CFAP95: variants seen among roughly 807,000 people sequenced by gnomAD.
The protein encoded by CFAP95 is cilia and flagella associated protein 95.
At chr9:69,844,189 A>G in the CFAP95 span, among the ~76,000 whole-genome samples, 1 of 152,204 alleles carries the variant, frequency 6.6e-6, no homozygotes, top group Non-Finnish European at 1.5e-5. Flanking sequence ...AGATATTACC[A>G]TGTCTTATTT....
the CFAP95 span, among the ~76,000 whole-genome samples, chr9:69,838,196 G>T: frequency 6.6e-6 from 1 of 152,152 alleles, no homozygotes; most frequent in African/African-American, 2.4e-5. Flanking sequence ...TTTGGCTTAG[G>T]ATTGACTTGG....
the CFAP95 span, among the ~76,000 whole-genome samples, chr9:69,904,515 C>A: frequency 6.6e-6 from 1 of 152,198 alleles, no homozygotes; most frequent in Admixed American, 6.5e-5. Flanking sequence ...GTCTTTAATG[C>A]TTCTGCTACC....
At chr9:69,830,060 T>C in the CFAP95 span, among the ~76,000 whole-genome samples, 1 of 152,114 alleles carries the variant, frequency 6.6e-6, no homozygotes, top group South Asian at 2.1e-4. Context: ...GGGATGAAAA[T>C]GTTACCAGGT....
chr9:69,837,432 G>A, the CFAP95 span, among the ~76,000 whole-genome samples: 1 of 152,022 alleles, frequency 6.6e-6, no homozygotes, highest in Non-Finnish European at 1.5e-5. Flanking sequence ...TCTAACTGGT[G>A]TGAGATGGTA....
At chr9:69,835,565 C>T in the CFAP95 span, among the ~76,000 whole-genome samples, 5 of 152,196 alleles carry the variant, frequency 3.3e-5, no homozygotes, top group Non-Finnish European at 5.9e-5. Context: ...TTTATGGACA[C>T]GTTTGAAAGC....
the CFAP95 span, among the ~76,000 whole-genome samples, chr9:69,871,625 G>A: frequency 3.3e-5 from 5 of 151,960 alleles, no homozygotes; most frequent in East Asian, 1.9e-4. Flanking sequence ...GATTAATTAC[G>A]GGGGTAAAGC....
chr9:69,852,232 A>AT, the CFAP95 span, among the ~76,000 whole-genome samples: 36 of 152,112 alleles, frequency 2.4e-4, no homozygotes, highest in African/African-American at 8.4e-4. Flanking sequence ...TTAACAGGCT[A>AT]AAATAAGACT....
At chr9:69,865,845 A>T in the CFAP95 span, among the ~76,000 whole-genome samples, 141 of 152,272 alleles carry the variant, frequency 9.3e-4, 1 homozygote, top group East Asian at 2.3e-3. Flanking sequence ...TAAGTACATG[A>T]TGCTTATTAT....
the CFAP95 span, among the ~76,000 whole-genome samples, chr9:69,900,087 T>A: frequency 6.6e-6 from 1 of 152,136 alleles, no homozygotes; most frequent in Non-Finnish European, 1.5e-5. Flanking sequence ...TATTTTTTAC[T>A]TAGATGGGTT....
chr9:69,887,860 G>A, the CFAP95 span, among the ~76,000 whole-genome samples: 5,895 of 152,246 alleles, frequency 0.039, 344 homozygotes, highest in African/African-American at 0.13. Context: ...GAGAGGCCGT[G>A]GGAGGAACAC....
chr9:69,853,782 C>G, the CFAP95 span, among the ~76,000 whole-genome samples: 1 of 152,170 alleles, frequency 6.6e-6, no homozygotes, highest in South Asian at 2.1e-4. Context: ...GATAGCAGGA[C>G]TGGTATGAAA....
the CFAP95 span, among the ~76,000 whole-genome samples, chr9:69,823,195 A>G: frequency 1.3e-5 from 2 of 152,194 alleles, no homozygotes; most frequent in African/African-American, 4.8e-5. Context: ...GAGAAGGGTG[A>G]AGGAGGAACT....
At chr9:69,842,729 C>T in the CFAP95 span, among the ~76,000 whole-genome samples, 1 of 152,210 alleles carries the variant, frequency 6.6e-6, no homozygotes, top group Non-Finnish European at 1.5e-5. Flanking sequence ...AATATCCCCC[C>T]TGAGGACTTA....
the CFAP95 span, among the ~76,000 whole-genome samples, chr9:69,872,605 G>T: frequency 6.6e-6 from 1 of 152,076 alleles, no homozygotes; most frequent in Non-Finnish European, 1.5e-5. Context: ...CTTGGATCAG[G>T]ATTAAAATCT....
chr9:69,837,535 A>G, the CFAP95 span, among the ~76,000 whole-genome samples: 1 of 152,262 alleles, frequency 6.6e-6, no homozygotes, highest in South Asian at 2.1e-4. Context: ...TCTTCTTTTG[A>G]GAAGTGTCTG....
the CFAP95 span, among the ~76,000 whole-genome samples, chr9:69,852,699 C>T: frequency 1.3e-5 from 2 of 152,182 alleles, no homozygotes; most frequent in Admixed American, 6.5e-5. Flanking sequence ...ACCTGAGCTT[C>T]TAATATGGTT....
the CFAP95 span, among the ~76,000 whole-genome samples, chr9:69,843,505 CCCTCCTCCTCCTCCTCCTCCT>C: frequency 1.0e-3 from 4 of 3,836 alleles, no homozygotes; most frequent in African/African-American, 1.9e-3. Flanking sequence ...CCTCCTCCCC[CCCTCCTCCTCCTCCTCCTCCT>C]CCTCCTCCTC....
chr9:69,859,469 C>G, the CFAP95 span, among the ~76,000 whole-genome samples: 7 of 151,964 alleles, frequency 4.6e-5, no homozygotes, highest in East Asian at 7.7e-4. Context: ...CTCCAAGATG[C>G]CTTTTGTTTC....
At chr9:69,856,628 A>T in the CFAP95 span, 1 of 1,613,026 alleles carries the variant, frequency 6.2e-7, no homozygotes, top group Non-Finnish European at 8.5e-7. Context: ...ATGAAGAGCA[A>T]GGCTTTATTG....
Sources: allele counts gnomAD v4.1 joint callset (sites outside exome capture counted in the v4.1 genomes callset), GRCh38; gene constraint gnomAD v4.1.1; transcripts MANE v1.5; gene names NCBI Gene and HGNC (gene_info 2026-07-23, HGNC 2026-07-21).